The following SHCBP1 variants were observed in gnomAD, a reference collection of about 807,000 sequenced individuals.
SHCBP1 encodes SHC SH2 domain-binding protein 1.
Under a neutral mutation model 75.1 loss-of-function variants are expected in SHCBP1, and 60 were observed. The observed-to-expected ratio is 0.80, with a 90% CI of 0.65 to 0.99. The LOEUF (loss-of-function observed/expected upper bound fraction) is 0.99, where lower values mean the gene tolerates loss of function less well. SHCBP1 is among the 50% of genes least tolerant of loss of function. The pLI is 0.00. For missense variants in SHCBP1, 709 were observed against 809.4 expected (o/e 0.88, Z 1.50); for synonymous variants, 290 against 293.2 (o/e 0.99, Z 0.11).
chr16:46,607,826 T>C (rs934841160), intron 5 of SHCBP1, among the ~76,000 whole-genome samples: 2 of 152,226 alleles, frequency 1.3e-5, no homozygotes, highest in Non-Finnish European at 2.9e-5. Context: ...CTGCTGTGTT[T>C]CACTGCAGAA....
Position 46,591,357 on chromosome 16 carries a change from C to CAAAGG in SHCBP1, c.1464+4190_1464+4194dup, listed in dbSNP as rs1269588510. Among the ~76,000 whole-genome samples the CAAAGG allele has an allele frequency of 3.3e-5, 5 of 151,962 alleles. No homozygotes were observed. In the South Asian group the frequency reaches 1.0e-3, roughly 32 times the overall value. On this transcript the variant is annotated intron_variant, in intron 10 of 12. Transcript: ENST00000303383. ...AAAGACATATCATGCAAACAATAAT[C>CAAAGG]AAAGGAAAGCAGGTGTGGCTATATT...
At chr16:46,587,907 G>A (rs1964977984) in intron 10 of SHCBP1, among the ~76,000 whole-genome samples, 1 of 152,084 alleles carries the variant, frequency 6.6e-6, no homozygotes, top group African/African-American at 2.4e-5. Flanking sequence ...TGACCACATA[G>A]TTGGAAGTAA....
chr16:46,603,411 T>G lies in SHCBP1; in HGVS notation c.1213+128A>C, dbSNP rs544989995. 1,172 of 1,350,286 alleles carry G rather than the reference T, an allele frequency of 8.7e-4. 14 individuals are homozygous for G. The highest frequency in any genetic ancestry group is 7.3e-5 in the Non-Finnish European group (71 of 972,404). The allele number at this position is 1,350,286 out of a possible 1,614,324, so 83.6% of individuals were successfully genotyped here. On this transcript the variant is annotated intron_variant, in intron 8 of 12. Coordinates refer to ENST00000303383, the MANE Select transcript of SHCBP1 (RefSeq NM_024745.5). ...TTTCAGCTTTCCATGTCCTTAATGT[T>G]TCAAGGCAGCTCACTAGAAATCAAA...
At chr16:46,583,770 C>T (rs1964908252) in intron 11 of SHCBP1, 113 bp from the exon 12 acceptor site, 1 of 1,296,562 alleles carries the variant, frequency 7.7e-7, no homozygotes, top group Non-Finnish European at 1.1e-6. Context: ...TATGTTTAGT[C>T]CCATGTTGTA....
At chr16:46,585,615 G>A (rs1567441809) in intron 10 of SHCBP1, among the ~76,000 whole-genome samples, 1 of 152,106 alleles carries the variant, frequency 6.6e-6, no homozygotes, top group Admixed American at 6.5e-5. Context: ...ACACCACAGA[G>A]CCAGGACTTT....
intron 10 of SHCBP1, among the ~76,000 whole-genome samples, chr16:46,584,461 T>C (rs1964925445): frequency 6.6e-6 from 1 of 152,170 alleles, no homozygotes; most frequent in South Asian, 2.1e-4. Flanking sequence ...AAAATGACCA[T>C]TCTCTCAGAT....
chr16:46,612,100 C>T (rs1465562026), intron 4 of SHCBP1, among the ~76,000 whole-genome samples: 2 of 152,134 alleles, frequency 1.3e-5, no homozygotes, highest in African/African-American at 4.8e-5. Flanking sequence ...GCCAAGATGA[C>T]TGAGAAAGCA....
intron 10 of SHCBP1, among the ~76,000 whole-genome samples, chr16:46,594,651 TACA>T (rs1451489333): frequency 6.6e-6 from 1 of 151,948 alleles, no homozygotes; most frequent in Non-Finnish European, 1.5e-5. Context: ...AGTAGGATGG[TACA>T]ACTACTCTGA....
rs1320179213 is a variant in SHCBP1 at position 46,583,602 on chromosome 16, A to G, written c.1607T>C (p.Ile536Thr). 6.2e-7 allele frequency: 1 copy of G among 1,610,368 alleles called. No individual in the cohort carries two copies. The highest frequency in any genetic ancestry group is 1.7e-5 in the Admixed American group (1 of 59,128). ...AACACCATAACCTTCATTATTATGT[A>G]TTATATTATTCACCATGGATATCTT... ...IPKISMVNNI[I>T]HNNEGYGVVL... The change falls in exon 12 of 13, where the codon ATA becomes ACA. Residue 536 changes from isoleucine (I) to threonine (T), a missense_variant. Coordinates refer to ENST00000303383, the MANE Select transcript of SHCBP1 (RefSeq NM_024745.5).
chr16:46,593,688 G>A (rs552714580), intron 10 of SHCBP1, among the ~76,000 whole-genome samples: 2 of 151,530 alleles, frequency 1.3e-5, no homozygotes, highest in African/African-American at 2.4e-5. Context: ...GCCATAAGCC[G>A]TGTTCATGCC....
chr16:46,603,689 T>C (rs373674459), intron 7 of SHCBP1, 30 bp from the exon 8 acceptor site: 49 of 1,612,406 alleles, frequency 3.0e-5, no homozygotes, highest in Non-Finnish European at 3.8e-5. Flanking sequence ...CATTTGTAAA[T>C]ATACACTCCC....
intron 4 of SHCBP1, among the ~76,000 whole-genome samples, chr16:46,609,475 G>C (rs1965374861): frequency 8.8e-6 from 1 of 113,570 alleles, no homozygotes; most frequent in South Asian, 3.1e-4. Context: ...TTTTGAGATG[G>C]AGTCTCGCTC....
chr16:46,608,371 A>C lies in SHCBP1; in HGVS notation c.615T>G (p.Ile205Met). Reference sequence around the variant, plus strand: ...CCTCTTCTTCATCCCAACTCCTCCAAATGTTTTGGTAGAAAAATCTGAAAT... The same window carrying C: ...CCTCTTCTTCATCCCAACTCCTCCACATGTTTTGGTAGAAAAATCTGAAAT... ...IEHVRFFYQN[I>M]WRSWDEEEED... The change falls in exon 5 of 13, where the codon ATT becomes ATG. Residue 205 changes from isoleucine to methionine, a missense_variant. By Grantham distance (10) the Ile-to-Met change is conservative. Coordinates refer to ENST00000303383, the MANE Select transcript of SHCBP1 (RefSeq NM_024745.5). 6.2e-7 allele frequency: 1 copy of C among 1,613,332 alleles called. No individual in the cohort carries two copies. The highest frequency in any genetic ancestry group is 8.5e-7 in the Non-Finnish European group (1 of 1,179,484).
chr16:46,599,777 C>T (rs778601660), intron 9 of SHCBP1, 54 bp downstream of exon 9: 3 of 1,473,606 alleles, frequency 2.0e-6, no homozygotes, highest in African/African-American at 2.9e-5. Flanking sequence ...ATAGAGAGAA[C>T]CGTTTACCTT....
intron 10 of SHCBP1, among the ~76,000 whole-genome samples, chr16:46,585,706 C>G: frequency 6.6e-6 from 1 of 152,196 alleles, no homozygotes. Context: ...ACTTGTACCC[C>G]CACCTGGCAG....
At position 46,595,687 on chromosome 16, in the gene SHCBP1, C is replaced by T. The variant is rs777621387; in HGVS notation, c.1346-17G>A. The T allele has an allele frequency of 1.2e-5, 19 of 1,583,316 alleles. No individual in the cohort carries two copies. The highest frequency in any genetic ancestry group is 5.5e-5 in the South Asian group (5 of 90,172). On this transcript the variant is annotated splice_polypyrimidine_tract_variant and intron_variant, in intron 9 of 12. Coordinates refer to ENST00000303383, the MANE Select transcript of SHCBP1 (RefSeq NM_024745.5). Reference sequence around the variant, plus strand: ...GGTGAACAACTGGGATGAAAATACACGCTGACTGTTTTAAGAAGTAATGTG... The same window carrying T: ...GGTGAACAACTGGGATGAAAATACATGCTGACTGTTTTAAGAAGTAATGTG...
intron 4 of SHCBP1, among the ~76,000 whole-genome samples, chr16:46,613,695 C>T (rs575434163): frequency 2.0e-5 from 3 of 152,350 alleles, no homozygotes; most frequent in South Asian, 4.1e-4. Flanking sequence ...GCACTCACTG[C>T]TATTTCCAAT....
rs1964831515 is a variant in SHCBP1 at position 46,578,974 on chromosome 16, G to T, written c.*2755C>A. Among the ~76,000 whole-genome samples the T allele has an allele frequency of 6.6e-6, 1 of 152,122 alleles. No individual in the cohort carries two copies. Among genetic ancestry groups the T allele is most frequent in the South Asian group, 2.1e-4 (1 of 4,830 alleles). On this transcript the variant is annotated 3_prime_UTR_variant, in exon 13 of 13. Transcript: ENST00000303383. ...ATTTCACCATCCTTCTGTAACTCCAGAAAAGTGAAGTGTATATACACTTGA... is the reference window on the plus strand; with the variant it reads ...ATTTCACCATCCTTCTGTAACTCCATAAAAGTGAAGTGTATATACACTTGA...
chr16:46,599,780 T>C (rs1214753002), intron 9 of SHCBP1, 51 bp downstream of exon 9: 2 of 1,494,706 alleles, frequency 1.3e-6, no homozygotes, highest in East Asian at 2.5e-5. Flanking sequence ...GAGAGAACCG[T>C]TTACCTTCAA....
Sources: gnomAD v4.1 joint callset for allele counts (sites outside exome capture counted in the v4.1 genomes callset) on GRCh38, gnomAD v4.1.1 for gene constraint, MANE v1.5 for transcripts, NCBI Gene and HGNC (gene_info 2026-07-23, HGNC 2026-07-21) for gene names.